Variants in TOX2 observed in about 807,000 individuals in gnomAD.
The protein encoded by TOX2 is granulosa cell HMG box 1.
A neutral mutation model predicts 47.4 loss-of-function variants in TOX2; 15 were observed. The observed-to-expected ratio is 0.32, with a 90% CI of 0.21 to 0.49. The LOEUF is 0.49. TOX2 is among the 20% of genes least tolerant of loss of function. TOX2 has a pLI of 0.99. For missense variants in TOX2, 622 were observed against 673.1 expected (o/e 0.92, Z 0.84); for synonymous variants, 290 against 296.6 (o/e 0.98, Z 0.23).
chr20:43,942,464 G>A (rs1472893558), intron 1 of TOX2, among the ~76,000 whole-genome samples: 1 of 152,196 alleles, frequency 6.6e-6, no homozygotes, highest in Non-Finnish European at 1.5e-5. Flanking sequence ...GATTGCTTTA[G>A]GACAGGAGTT....
chr20:43,968,272 C>T lies in TOX2; in HGVS notation c.100-5095C>T, dbSNP rs149700018. Reference sequence around the variant, plus strand: ...CCACAAATATTTTATTTATACCTGTCATGAATCAGTGACTCTGTGGTCATA... The same window carrying T: ...CCACAAATATTTTATTTATACCTGTTATGAATCAGTGACTCTGTGGTCATA... On this transcript the variant is annotated intron_variant, in intron 1 of 8. Transcript: ENST00000341197. 7.9e-5 allele frequency among the ~76,000 whole-genome samples: 12 copies of T among 152,306 alleles called. No individual in the cohort carries two copies. The East Asian group carries it at 2.3e-3, about 29-fold the overall frequency.
At chr20:44,040,251 A>G (rs1312199566) in intron 3 of TOX2, among the ~76,000 whole-genome samples, 2 of 152,312 alleles carry the variant, frequency 1.3e-5, no homozygotes, top group East Asian at 1.9e-4. Context: ...GTAGGTGTCT[A>G]TGGAGGAGCC....
intron 1 of TOX2, among the ~76,000 whole-genome samples, chr20:43,928,393 G>A (rs943826010): frequency 6.6e-6 from 1 of 152,224 alleles, no homozygotes; most frequent in African/African-American, 2.4e-5. Context: ...GGAATAAAAA[G>A]CACTGAAGGG....
At chr20:43,947,035 C>T (rs1367802230) in intron 1 of TOX2, among the ~76,000 whole-genome samples, 1 of 152,198 alleles carries the variant, frequency 6.6e-6, no homozygotes, top group Non-Finnish European at 1.5e-5. Context: ...TCTGTGCCTC[C>T]TGGGATGGTT....
intron 2 of TOX2, among the ~76,000 whole-genome samples, chr20:43,996,954 A>G (rs1399102533): frequency 6.6e-6 from 1 of 152,192 alleles, no homozygotes; most frequent in Non-Finnish European, 1.5e-5. Context: ...TTGTTGGAAT[A>G]CATAATCAGG....
chr20:43,988,330 A>C (rs532769298), intron 2 of TOX2, among the ~76,000 whole-genome samples: 1 of 152,294 alleles, frequency 6.6e-6, no homozygotes, highest in African/African-American at 2.4e-5. Flanking sequence ...AAGATGTCTA[A>C]GTTTCTCTGG....
intron 1 of TOX2, among the ~76,000 whole-genome samples, chr20:43,917,137 T>C (rs11698181): frequency 0.41 from 62,866 of 151,958 alleles, 13,244 homozygotes; most frequent in East Asian, 0.47. Flanking sequence ...GGATGTGAAA[T>C]CTGCTACTCA....
intron 3 of TOX2, among the ~76,000 whole-genome samples, chr20:44,038,745 C>T (rs1188959451): frequency 2.6e-5 from 4 of 152,072 alleles, no homozygotes; most frequent in African/African-American, 7.2e-5. Flanking sequence ...CTCTGTGAAT[C>T]GGCAGAAGGC....
chr20:43,963,499 G>A (rs548985774), intron 1 of TOX2, among the ~76,000 whole-genome samples: 13 of 152,312 alleles, frequency 8.5e-5, no homozygotes, highest in African/African-American at 2.6e-4. Flanking sequence ...GTGGGGGTGG[G>A]AAGCCAGGAT....
chr20:43,992,494 G>C (rs1294946413), intron 2 of TOX2, among the ~76,000 whole-genome samples: 1 of 152,156 alleles, frequency 6.6e-6, no homozygotes, highest in African/African-American at 2.4e-5. Flanking sequence ...AGCCAAAGGA[G>C]CTCCCATTTT....
chr20:44,066,683 C>A lies in TOX2; in HGVS notation c.1357-47C>A, dbSNP rs757675181. ...CCCCGGGAGGCCTGGGACAGTCTGC[C>A]CCCTCATCTCTCCTTGGCTCATGGC... On this transcript the variant is annotated intron_variant, in intron 7 of 8. Transcript: ENST00000341197. 6 of 1,613,572 alleles carry A rather than the reference C, an allele frequency of 3.7e-6. No homozygotes were observed. In the Admixed American group the frequency reaches 6.7e-5, roughly 18 times the overall value.
chr20:43,945,955 C>A, intron 1 of TOX2: 1 of 1,613,994 alleles, frequency 6.2e-7, no homozygotes, highest in Non-Finnish European at 8.5e-7. Context: ...CGCGTTCTCT[C>A]GCTGCCTGGG....
rs2069057839 is a variant in TOX2 at position 43,916,558 on chromosome 20, T to C, written c.99+1568T>C. Among the ~76,000 whole-genome samples, 2 of 152,146 alleles carry C rather than the reference T, an allele frequency of 1.3e-5. No individual in the cohort carries two copies. Among genetic ancestry groups the C allele is most frequent in the African/African-American group, 4.8e-5 (2 of 41,436 alleles). On this transcript the variant is annotated intron_variant, in intron 1 of 8. Transcript: ENST00000341197. The surrounding 1 kb of genome is among the most constrained non-coding windows in gnomAD (Gnocchi z 5.0). ...AAGCCGATGAGGGGGGATGGTAGCC[T>C]CAGGAGAAGGCCGGGAGCTGCCTCC...
chr20:44,062,415 TAAAATACTTAGG>T (rs2071737736), intron 5 of TOX2, among the ~76,000 whole-genome samples: 1 of 150,236 alleles, frequency 6.7e-6, no homozygotes, highest in Admixed American at 6.7e-5. Context: ...AATGAATAAA[TAAAATACTTAGG>T]AATATACCTA....
At chr20:44,023,390 A>G (rs1297067849) in intron 3 of TOX2, among the ~76,000 whole-genome samples, 1 of 146,918 alleles carries the variant, frequency 6.8e-6, no homozygotes, top group Non-Finnish European at 1.5e-5. Flanking sequence ...AGATCGCACC[A>G]CTGCATTCCA....
intron 1 of TOX2, among the ~76,000 whole-genome samples, chr20:43,933,542 G>A (rs1313186987): frequency 6.7e-6 from 1 of 150,168 alleles, no homozygotes; most frequent in East Asian, 1.9e-4. Context: ...GTGTTAGGCT[G>A]AGATTCTAGA....
chr20:43,964,576 C>G (rs762722457), intron 1 of TOX2, among the ~76,000 whole-genome samples: 7 of 152,162 alleles, frequency 4.6e-5, no homozygotes, highest in Non-Finnish European at 1.0e-4. Flanking sequence ...CTGTGCATCC[C>G]TAGGCTTTGA....
Position 44,020,947 on chromosome 20 carries a change from C to T in TOX2, c.411+14155C>T, listed in dbSNP as rs188182393. Among the ~76,000 whole-genome samples the T allele has an allele frequency of 3.6e-3, 549 of 152,276 alleles. 3 individuals carry two copies. Among genetic ancestry groups the T allele is most frequent in the African/African-American group, 0.013 (524 of 41,550 alleles). On this transcript the variant is annotated intron_variant, in intron 3 of 8. Coordinates refer to ENST00000341197, the MANE Select transcript of TOX2 (RefSeq NM_001098797.2). Reference sequence around the variant, plus strand: ...CTGTGGTTCCTGGTTCTTTCCTACCCTGTGCACCTCCCATTGGGACAGGCC... The same window carrying T: ...CTGTGGTTCCTGGTTCTTTCCTACCTTGTGCACCTCCCATTGGGACAGGCC...
chr20:43,988,241 T>G lies in TOX2; in HGVS notation c.165+14809T>G, dbSNP rs1600711973. On this transcript the variant is annotated intron_variant, in intron 2 of 8. Transcript: ENST00000341197. ...CCGAAACATCAACACTTAAAGCACA[T>G]GCATATGTGTGTGTGTGTATGTGTG... 2.0e-5 allele frequency among the ~76,000 whole-genome samples: 3 copies of G among 152,144 alleles called. No homozygotes were observed. The South Asian group carries it at 6.2e-4, about 32-fold the overall frequency.
Sources: gnomAD v4.1 joint callset for allele counts (sites outside exome capture counted in the v4.1 genomes callset) on GRCh38, gnomAD v4.1.1 for gene constraint, Gnocchi (gnomAD v3.1) non-coding constraint, MANE v1.5 for transcripts, NCBI Gene and HGNC (gene_info 2026-07-23, HGNC 2026-07-21) for gene names.